The following BNC2 variants were observed in gnomAD, a reference collection of about 807,000 sequenced individuals.
BNC2 encodes the protein zinc finger protein basonuclin-2.
Under a neutral mutation model 76.3 loss-of-function variants are expected in BNC2, and 20 were observed. The observed-to-expected ratio is 0.26, with a 90% confidence interval of 0.18 to 0.38. The LOEUF (loss-of-function observed/expected upper bound fraction) is 0.38, where lower values mean the gene tolerates loss of function less well. Among genes scored for constraint, BNC2 ranks in the 10% least tolerant of loss-of-function variants. The pLI, the probability that BNC2 is intolerant of heterozygous loss-of-function variation, is 1.00. For synonymous variants in BNC2, 582 were observed against 514.8 expected (o/e 1.13, Z -1.77); for missense variants, 1,382 against 1,399.8 (o/e 0.99, Z 0.20).
chr9:16,474,609 G>A (rs1821891983), intron 5 of BNC2, among the ~76,000 whole-genome samples: 2 of 152,150 alleles, frequency 1.3e-5, no homozygotes, highest in Admixed American at 6.5e-5. Flanking sequence ...TACACATACT[G>A]AGAATAAAGT....
intron 5 of BNC2, among the ~76,000 whole-genome samples, chr9:16,530,913 T>C (rs1468198987): frequency 1.3e-5 from 2 of 152,050 alleles, no homozygotes; most frequent in African/African-American, 2.4e-5. Flanking sequence ...CTGATAATTA[T>C]GGATATTGTC....
At chr9:16,660,872 T>C (rs1044544555) in intron 3 of BNC2, among the ~76,000 whole-genome samples, 1 of 152,272 alleles carries the variant, frequency 6.6e-6, no homozygotes, top group East Asian at 1.9e-4. Context: ...ATAGAGATGA[T>C]TTCAAGTGTA....
At chr9:16,592,594 G>A (rs1819960622) in intron 3 of BNC2, among the ~76,000 whole-genome samples, 1 of 152,106 alleles carries the variant, frequency 6.6e-6, no homozygotes, top group Non-Finnish European at 1.5e-5. Flanking sequence ...AATGTTCAGT[G>A]ATAACTGAAC....
chr9:16,821,038 G>C (rs1398079502), intron 1 of BNC2, among the ~76,000 whole-genome samples: 1 of 152,006 alleles, frequency 6.6e-6, no homozygotes, highest in Non-Finnish European at 1.5e-5. Context: ...TTCGAGACCA[G>C]CCTGGCCAAC....
intron 1 of BNC2, among the ~76,000 whole-genome samples, chr9:16,842,288 T>G (rs1291200812): frequency 1.3e-5 from 2 of 152,202 alleles, no homozygotes; most frequent in South Asian, 2.1e-4. Context: ...AAATAGTTCA[T>G]GTAGATATAA....
chr9:16,528,294 C>G (rs1817872579), intron 5 of BNC2, among the ~76,000 whole-genome samples: 1 of 151,672 alleles, frequency 6.6e-6, no homozygotes, highest in South Asian at 2.1e-4. Flanking sequence ...TTTAACAGCT[C>G]TTGTTTCATG....
At chr9:16,606,446 C>G (rs1820387263) in intron 3 of BNC2, among the ~76,000 whole-genome samples, 1 of 152,092 alleles carries the variant, frequency 6.6e-6, no homozygotes, top group Non-Finnish European at 1.5e-5. Flanking sequence ...TGGGACAGAC[C>G]CATGGGAGAT....
intron 1 of BNC2, among the ~76,000 whole-genome samples, chr9:16,779,878 T>C (rs914092557): frequency 1.7e-4 from 26 of 152,288 alleles, no homozygotes; most frequent in African/African-American, 6.0e-4. Flanking sequence ...GGTACGGGTT[T>C]CTTTTCTGAG....
At chr9:16,584,023 C>T (rs754497264) in intron 3 of BNC2, among the ~76,000 whole-genome samples, 13 of 152,318 alleles carry the variant, frequency 8.5e-5, no homozygotes, top group Non-Finnish European at 1.9e-4. Flanking sequence ...TCCCGGACTA[C>T]AGTTAATAAA....
chr9:16,680,903 T>C (rs17813471), intron 3 of BNC2, among the ~76,000 whole-genome samples: 3,814 of 152,326 alleles, frequency 0.025, 60 homozygotes, highest in South Asian at 0.079. Flanking sequence ...CTCATCCATA[T>C]CAATTTCGAC....
chr9:16,606,374 T>C (rs1299522752), intron 3 of BNC2, among the ~76,000 whole-genome samples: 3 of 152,208 alleles, frequency 2.0e-5, no homozygotes, highest in African/African-American at 4.8e-5. Context: ...TTTATTTATA[T>C]GGTTTGGCTC....
intron 3 of BNC2, among the ~76,000 whole-genome samples, chr9:16,686,772 T>G (rs1233843077): frequency 6.6e-6 from 1 of 152,182 alleles, no homozygotes; most frequent in African/African-American, 2.4e-5. Context: ...TACTCCACTT[T>G]GCAAGTTCAC....
intron 5 of BNC2, among the ~76,000 whole-genome samples, chr9:16,471,920 C>G (rs908486831): frequency 6.6e-6 from 1 of 152,138 alleles, no homozygotes; most frequent in Non-Finnish European, 1.5e-5. Context: ...GTGAATAAGT[C>G]TCACAAGATC....
intron 3 of BNC2, among the ~76,000 whole-genome samples, chr9:16,676,356 AAC>A (rs1355026562): frequency 6.6e-6 from 1 of 152,216 alleles, no homozygotes; most frequent in African/African-American, 2.4e-5. Flanking sequence ...CACACACCCA[AAC>A]ACAAACGCGT....
chr9:16,513,431 C>T (rs1384441922), intron 5 of BNC2, among the ~76,000 whole-genome samples: 2 of 151,386 alleles, frequency 1.3e-5, no homozygotes, highest in African/African-American at 4.9e-5. Flanking sequence ...CTCAGCCTCC[C>T]GAGTAGCTGG....
intron 5 of BNC2, among the ~76,000 whole-genome samples, chr9:16,485,560 C>T (rs1213198094): frequency 6.6e-6 from 1 of 152,214 alleles, no homozygotes; most frequent in Non-Finnish European, 1.5e-5. Flanking sequence ...CGGTCCTCCA[C>T]CCCACTGGGC....
At chr9:16,656,591 T>C (rs1050638614) in intron 3 of BNC2, among the ~76,000 whole-genome samples, 1 of 152,212 alleles carries the variant, frequency 6.6e-6, no homozygotes, top group African/African-American at 2.4e-5. Flanking sequence ...GCATTCATGC[T>C]ACCATCACCA....
intron 5 of BNC2, among the ~76,000 whole-genome samples, chr9:16,541,778 T>C (rs776647586): frequency 2.0e-5 from 3 of 152,156 alleles, no homozygotes; most frequent in Non-Finnish European, 2.9e-5. Flanking sequence ...TGGGATACTC[T>C]ATTGTCAGTT....
At chr9:16,629,667 T>G (rs1266335980) in intron 3 of BNC2, among the ~76,000 whole-genome samples, 1 of 152,236 alleles carries the variant, frequency 6.6e-6, no homozygotes, top group Non-Finnish European at 1.5e-5. Context: ...CACATGATTT[T>G]TTTTTGGTTT....
Sources: allele counts gnomAD v4.1 joint callset (sites outside exome capture counted in the v4.1 genomes callset), GRCh38; gene constraint gnomAD v4.1.1; transcripts MANE v1.5; gene names NCBI Gene and HGNC (gene_info 2026-07-23, HGNC 2026-07-21).